The following CCNG2 variants were observed in gnomAD, a reference collection of about 807,000 sequenced individuals.
The protein encoded by CCNG2 is cyclin G2.
A neutral mutation model predicts 36.5 loss-of-function variants in CCNG2; 20 were observed. The observed-to-expected ratio is 0.55, with a 90% CI of 0.39 to 0.80. CCNG2 has a LOEUF of 0.80. Ranked by LOEUF, CCNG2 falls within the 30% of genes least tolerant of loss-of-function variation. The pLI is 0.00. For missense variants in CCNG2, 358 were observed against 390.8 expected (o/e 0.92, Z 0.71); for synonymous variants, 155 against 140.1 (o/e 1.11, Z -0.75).
At chr4:77,160,339 T>G (rs1731394705) in intron 3 of CCNG2, among the ~76,000 whole-genome samples, 2 of 146,792 alleles carry the variant, frequency 1.4e-5, no homozygotes, top group African/African-American at 5.2e-5. Context: ...TGAATTTACA[T>G]AATTTAAAGG....
rs1731360830 is a variant in CCNG2 at position 77,159,257 on chromosome 4, A to G, written c.139-110A>G. The G allele has an allele frequency of 6.0e-6, 6 of 994,130 alleles. No homozygotes were observed. In the East Asian group the frequency reaches 1.5e-4, roughly 25 times the overall value. 61.6% of individuals were successfully genotyped at this position (994,130 alleles called of 1,614,324 possible). On this transcript the variant is annotated intron_variant, in intron 2 of 7. Transcript: ENST00000316355. ...CTATATTCTTGAAGATTGAGGGAAAAAAATTAACCTTATTCTTGGGAAAAA... is the reference window on the plus strand; with the variant it reads ...CTATATTCTTGAAGATTGAGGGAAAGAAATTAACCTTATTCTTGGGAAAAA...
chr4:77,163,281 A>C (rs933565217), intron 6 of CCNG2, among the ~76,000 whole-genome samples: 1 of 152,156 alleles, frequency 6.6e-6, no homozygotes, highest in African/African-American at 2.4e-5. Flanking sequence ...CCCCACAAGT[A>C]GAAGCACTGT....
intron 1 of CCNG2, 29 bp from the exon 2 acceptor site, chr4:77,158,504 A>C (rs754120290): frequency 6.2e-7 from 1 of 1,613,408 alleles, no homozygotes; most frequent in Admixed American, 1.7e-5. Flanking sequence ...CCCCCAGATT[A>C]CATTCTCTGT....
chr4:77,161,361 C>T, intron 4 of CCNG2, 119 bp from the exon 5 acceptor site: 1 of 727,934 alleles, frequency 1.4e-6, no homozygotes, highest in Non-Finnish European at 2.2e-6. Flanking sequence ...TTCTGCCTTC[C>T]AAAGTGGTGG....
At chr4:77,161,248 G>A (rs941280116) in intron 4 of CCNG2, among the ~76,000 whole-genome samples, 12 of 151,838 alleles carry the variant, frequency 7.9e-5, no homozygotes, top group Admixed American at 2.0e-4. Flanking sequence ...GATTACAGGC[G>A]TGCGCCACCA....
At position 77,166,114 on chromosome 4, in the gene CCNG2, C is replaced by T. The variant is rs1389899867; in HGVS notation, c.*190C>T. 6.8e-6 allele frequency: 3 copies of T among 441,862 alleles called. No homozygotes were observed. Among genetic ancestry groups the T allele is most frequent in the Non-Finnish European group, 1.2e-5 (3 of 254,408 alleles). The allele number at this position is 441,862 out of a possible 1,614,324, so 27.4% of individuals were successfully genotyped here. Reference sequence around the variant, plus strand: ...CCTAAGCCATCAAATGGGGTAGTGCCTCTTAAACCATTAACAGTACTTTAG... The same window carrying T: ...CCTAAGCCATCAAATGGGGTAGTGCTTCTTAAACCATTAACAGTACTTTAG... On this transcript the variant is annotated 3_prime_UTR_variant, in exon 8 of 8. Transcript: ENST00000316355.
chr4:77,160,792 C>A lies in CCNG2; in HGVS notation c.348C>A (p.Asp116Glu). ...TGGCTGCTAGAATAGTTGAAGAAGA[C>A]TGCAATATTCCATCCACTCATGATG... Reference protein sequence around the residue: ...FLLAARIVEEDCNIPSTHDVI... With the variant: ...FLLAARIVEEECNIPSTHDVI... Residue 116 changes from aspartate (D) to glutamate (E), a missense_variant, in exon 4 of 8, where the codon GAC becomes GAA. Asp to Glu is a conservative substitution (Grantham distance 45). Coordinates refer to ENST00000316355, the MANE Select transcript of CCNG2 (RefSeq NM_004354.3). The A allele has an allele frequency of 6.2e-7, 1 of 1,613,768 alleles. No individual in the cohort carries two copies. The highest frequency in any genetic ancestry group is 8.5e-7 in the Non-Finnish European group (1 of 1,179,756).
At chr4:77,161,382 G>C (rs758356688) in intron 4 of CCNG2, 98 bp from the exon 5 acceptor site, 1 of 910,010 alleles carries the variant, frequency 1.1e-6, no homozygotes, top group Non-Finnish European at 1.7e-6. Context: ...GATTACAGGC[G>C]TGAGACACCG....
At chr4:77,159,591 T>C in intron 3 of CCNG2, 87 bp downstream of exon 3, 2 of 1,271,946 alleles carry the variant, frequency 1.6e-6, no homozygotes, top group Non-Finnish European at 2.2e-6. Flanking sequence ...ATCGAATGGG[T>C]ATAATAACGT....
rs1731640512 is a variant in CCNG2, at chr4:77,166,609, T to C, written c.*685T>C. 1 of 152,224 alleles carries C rather than the reference T, an allele frequency of 6.6e-6. No individual in the cohort carries two copies. The highest frequency in any genetic ancestry group is 1.5e-5 in the Non-Finnish European group (1 of 68,044). The allele number at this position is 152,224 out of a possible 1,614,324, so 9.4% of individuals were successfully genotyped here. ...TTGCCCAAGTATTGTCAAACTATGGTATTATTTTAATGTTACTTTAAAAAT... is the reference window on the plus strand; with the variant it reads ...TTGCCCAAGTATTGTCAAACTATGGCATTATTTTAATGTTACTTTAAAAAT... On this transcript the variant is annotated 3_prime_UTR_variant, in exon 8 of 8. Transcript: ENST00000316355.
Position 77,168,147 on chromosome 4 carries a change from A to T in CCNG2, c.*2223A>T, listed in dbSNP as rs1731676426. On this transcript the variant is annotated 3_prime_UTR_variant, in exon 8 of 8. Transcript: ENST00000316355. ...TTACTCCCAAACCTGCTGGTTCTTTATGTCTTTCTCAGCGAATAATTCCAT... is the reference window on the plus strand; with the variant it reads ...TTACTCCCAAACCTGCTGGTTCTTTTTGTCTTTCTCAGCGAATAATTCCAT... 6.6e-6 allele frequency: 1 copy of T among 151,990 alleles called. No homozygotes were observed. Among genetic ancestry groups the T allele is most frequent in the Non-Finnish European group, 1.5e-5 (1 of 67,984 alleles). 9.4% of individuals were successfully genotyped at this position (151,990 alleles called of 1,614,324 possible).
chr4:77,164,364 A>G lies in CCNG2; in HGVS notation c.796A>G (p.Lys266Glu). Residue 266 changes from lysine to glutamate, a missense_variant, in exon 7 of 8, where the codon AAG becomes GAG. Lys to Glu is a moderately conservative substitution (Grantham distance 56). Coordinates refer to ENST00000316355, the MANE Select transcript of CCNG2 (RefSeq NM_004354.3). ...TCCTGAATGTTGCAAACCAGATCTT[A>G]AGAAGTTGGTTTGGATCGTTTCAAG... The part of the protein sequence containing the change: ...SSPECCKPDL[K>E]KLVWIVSRRT... The G allele has an allele frequency of 6.2e-7, 1 of 1,613,954 alleles. No individual in the cohort carries two copies. Among genetic ancestry groups the G allele is most frequent in the South Asian group, 1.1e-5 (1 of 91,080 alleles).
At position 77,166,941 on chromosome 4, in the gene CCNG2, AT is replaced by A. The variant is rs1212474642; in HGVS notation, c.*1021del. The A allele has an allele frequency of 6.6e-6, 1 of 152,156 alleles. No homozygotes were observed. The highest frequency in any genetic ancestry group is 6.5e-5 in the Admixed American group (1 of 15,282). The allele number at this position is 152,156 out of a possible 1,614,324, so 9.4% of individuals were successfully genotyped here. A position where few individuals can be genotyped will look rare whatever the true frequency, so the allele number is the denominator to read the frequency against. Reference sequence around the variant, plus strand: ...CTTATATAAACTCTGTACATGTAAGATTTTGTACAGAGAATTTTTAACTTTA... The same window carrying A: ...CTTATATAAACTCTGTACATGTAAGATTTGTACAGAGAATTTTTAACTTTA... On this transcript the variant is annotated 3_prime_UTR_variant, in exon 8 of 8. Coordinates refer to ENST00000316355, the MANE Select transcript of CCNG2 (RefSeq NM_004354.3).
At position 77,160,780 on chromosome 4, in the gene CCNG2, A is replaced by C. The variant is rs770136548; in HGVS notation, c.336A>C (p.Ile112=). Residue 112 remains isoleucine (I), a synonymous_variant, in exon 4 of 8, where the codon ATA becomes ATC. Transcript: ENST00000316355. ...GTTCTTTTTTGCTGGCTGCTAGAAT[A>C]GTTGAAGAAGACTGCAATATTCCAT... ...GVCSFLLAAR[I]VEEDCNIPST... is the part of the protein sequence containing the mutation. The C allele has an allele frequency of 6.2e-7, 1 of 1,614,030 alleles. No homozygotes were observed. The highest frequency in any genetic ancestry group is 8.5e-7 in the Non-Finnish European group (1 of 1,179,926).
Position 77,166,963 on chromosome 4 carries a change from CTT to C in CCNG2, c.*1041_*1042del, listed in dbSNP as rs1289420520. The C allele has an allele frequency of 3.9e-5, 6 of 152,082 alleles. No homozygotes were observed. The highest frequency in any genetic ancestry group is 1.4e-4 in the African/African-American group (6 of 41,430). 9.4% of individuals were successfully genotyped at this position (152,082 alleles called of 1,614,324 possible). On this transcript the variant is annotated 3_prime_UTR_variant, in exon 8 of 8. Coordinates refer to ENST00000316355, the MANE Select transcript of CCNG2 (RefSeq NM_004354.3). ...AAGATTTTGTACAGAGAATTTTTAA[CTT>C]TATAAATTGTATATGAACATGTAAA...
At chr4:77,158,814 C>T (rs1357646996) in intron 2 of CCNG2, 144 bp downstream of exon 2, 1 of 758,316 alleles carries the variant, frequency 1.3e-6, no homozygotes. Flanking sequence ...AACCTTATTA[C>T]AGGTTAATGC....
intron 1 of CCNG2, chr4:77,158,161 T>C: frequency 5.1e-6 from 1 of 197,210 alleles, no homozygotes; most frequent in Non-Finnish European, 1.0e-5. Flanking sequence ...CGGGACCCGC[T>C]GCAGTCGCTC....
Position 77,160,532 on chromosome 4 carries a change from G to T in CCNG2, c.277-189G>T, listed in dbSNP as rs867825904. ...ACTGTTCCCTGCTGCCTTTTTTTTT[G>T]GGGGGGGGGGGAGGTCGAGAACGTC... On this transcript the variant is annotated intron_variant, in intron 3 of 7. Coordinates refer to ENST00000316355, the MANE Select transcript of CCNG2 (RefSeq NM_004354.3). Among the ~76,000 whole-genome samples the T allele has an allele frequency of 0.047, 3,880 of 83,040 alleles. 200 individuals carry two copies. The highest frequency in any genetic ancestry group is 0.15 in the African/African-American group (2,228 of 14,778). 54.5% of individuals were successfully genotyped at this position (83,040 alleles called of 152,430 possible).
At chr4:77,158,475 C>T in intron 1 of CCNG2, 58 bp from the exon 2 acceptor site, 3 of 1,590,386 alleles carry the variant, frequency 1.9e-6, no homozygotes, top group Non-Finnish European at 1.7e-6. Context: ...CCCTTTCTCC[C>T]GCTTCCCCAC....
Sources: gnomAD v4.1 joint callset for allele counts (sites outside exome capture counted in the v4.1 genomes callset) on GRCh38, gnomAD v4.1.1 for gene constraint, MANE v1.5 for transcripts, NCBI Gene and HGNC (gene_info 2026-07-23, HGNC 2026-07-21) for gene names.